The following ALCAM variants were observed in gnomAD, a reference collection of about 807,000 sequenced individuals.
ALCAM encodes the protein activated leukocyte cell adhesion molecule.
In ALCAM, 30 loss-of-function variants were observed where a neutral mutation model predicts 70.9. That is an observed-to-expected ratio of 0.42 (90% CI 0.32 to 0.57). The LOEUF (loss-of-function observed/expected upper bound fraction) is 0.57. Ranked by LOEUF, ALCAM falls within the 20% of genes least tolerant of loss-of-function variation. The pLI, the probability that ALCAM is intolerant of heterozygous loss-of-function variation, is 0.11. For synonymous variants in ALCAM, 249 were observed against 242.5 expected (o/e 1.03, Z -0.25); for missense variants, 591 against 695.1 (o/e 0.85, Z 1.68).
At chr3:105,573,360 T>C (rs1483949000) in intron 15 of ALCAM, among the ~76,000 whole-genome samples, 1 of 151,572 alleles carries the variant, frequency 6.6e-6, no homozygotes, top group African/African-American at 2.4e-5. Flanking sequence ...AAAACTTTAA[T>C]CTAGATATTT....
intron 1 of ALCAM, among the ~76,000 whole-genome samples, chr3:105,490,231 CA>C (rs1289851876): frequency 1.3e-5 from 2 of 152,092 alleles, no homozygotes; most frequent in Admixed American, 6.6e-5. Context: ...TTCTAAATAC[CA>C]ACTGTTTGAA....
chr3:105,454,560 T>A (rs1304167146), intron 1 of ALCAM, among the ~76,000 whole-genome samples: 1 of 151,672 alleles, frequency 6.6e-6, no homozygotes, highest in East Asian at 1.9e-4. Context: ...CAGTCCTATC[T>A]AATTAGAAAC....
intron 1 of ALCAM, among the ~76,000 whole-genome samples, chr3:105,454,959 C>T (rs1937515353): frequency 6.6e-6 from 1 of 151,578 alleles, no homozygotes; most frequent in African/African-American, 2.4e-5. Flanking sequence ...GGATTACAGG[C>T]GTGAGCCACT....
chr3:105,553,937 C>T (rs1276778097), intron 14 of ALCAM, among the ~76,000 whole-genome samples: 1 of 151,856 alleles, frequency 6.6e-6, no homozygotes, highest in East Asian at 1.9e-4. Context: ...AGAAACATTT[C>T]TCCTGTTGTG....
chr3:105,413,884 C>G (rs1936447025), intron 1 of ALCAM, among the ~76,000 whole-genome samples: 1 of 151,986 alleles, frequency 6.6e-6, no homozygotes, highest in Non-Finnish European at 1.5e-5. Context: ...ATTAGTTAGG[C>G]CTAATATGGT....
intron 1 of ALCAM, among the ~76,000 whole-genome samples, chr3:105,436,258 CA>C (rs1440452117): frequency 6.6e-6 from 1 of 152,214 alleles, no homozygotes; most frequent in Non-Finnish European, 1.5e-5. Context: ...TTCATTTGGA[CA>C]ACTTGTTGCC....
At chr3:105,503,490 T>G (rs1437809507) in intron 1 of ALCAM, among the ~76,000 whole-genome samples, 1 of 152,176 alleles carries the variant, frequency 6.6e-6, no homozygotes, top group Non-Finnish European at 1.5e-5. Flanking sequence ...TCTTTTTCAT[T>G]CCCACTGCCC....
chr3:105,516,773 C>T (rs921078127), intron 1 of ALCAM, among the ~76,000 whole-genome samples: 3 of 152,044 alleles, frequency 2.0e-5, no homozygotes, highest in African/African-American at 7.2e-5. Context: ...ACAGCCATAA[C>T]ACATACAGAA....
chr3:105,445,775 C>A (rs1251996379), intron 1 of ALCAM, among the ~76,000 whole-genome samples: 2 of 152,098 alleles, frequency 1.3e-5, no homozygotes, highest in Non-Finnish European at 2.9e-5. Flanking sequence ...TAGATAGTCA[C>A]CTGCAGAAGA....
At chr3:105,483,883 AAT>A (rs1357406020) in intron 1 of ALCAM, among the ~76,000 whole-genome samples, 1 of 152,074 alleles carries the variant, frequency 6.6e-6, no homozygotes, top group Admixed American at 6.6e-5. Context: ...CTACGTATAG[AAT>A]ACCAGAGCTT....
intron 14 of ALCAM, among the ~76,000 whole-genome samples, chr3:105,557,031 C>G (rs930518288): frequency 1.3e-5 from 2 of 151,960 alleles, no homozygotes; most frequent in Non-Finnish European, 2.9e-5. Flanking sequence ...GTATCTTGTT[C>G]CAAATTCCAT....
At chr3:105,388,079 C>T (rs919383678) in intron 1 of ALCAM, among the ~76,000 whole-genome samples, 1 of 151,454 alleles carries the variant, frequency 6.6e-6, no homozygotes, top group African/African-American at 2.4e-5. Context: ...ACAGTATAAA[C>T]AAGCAGTAAC....
At chr3:105,500,046 A>T (rs1938875198) in intron 1 of ALCAM, among the ~76,000 whole-genome samples, 1 of 152,220 alleles carries the variant, frequency 6.6e-6, no homozygotes, top group East Asian at 1.9e-4. Flanking sequence ...GTCAGTGTGC[A>T]GTAGATTGGC....
chr3:105,552,423 C>G, intron 13 of ALCAM, 45 bp from the exon 14 acceptor site: 1 of 1,572,388 alleles, frequency 6.4e-7, no homozygotes, highest in African/African-American at 1.4e-5. Flanking sequence ...TCTGAAAATC[C>G]TTGGCATTGT....
chr3:105,448,889 C>T (rs893231619), intron 1 of ALCAM, among the ~76,000 whole-genome samples: 7 of 152,086 alleles, frequency 4.6e-5, no homozygotes, highest in South Asian at 4.1e-4. Context: ...GGATTCTGCC[C>T]GGGTGTCAAC....
chr3:105,456,944 T>A (rs1937541842), intron 1 of ALCAM, among the ~76,000 whole-genome samples: 1 of 152,220 alleles, frequency 6.6e-6, no homozygotes, highest in Non-Finnish European at 1.5e-5. Context: ...CGTTTTTATG[T>A]AGCACATGCA....
At chr3:105,379,788 A>G (rs1935470931) in intron 1 of ALCAM, among the ~76,000 whole-genome samples, 1 of 151,792 alleles carries the variant, frequency 6.6e-6, no homozygotes, top group Non-Finnish European at 1.5e-5. Flanking sequence ...AAAAACCTAT[A>G]ATTTTAATAT....
intron 2 of ALCAM, among the ~76,000 whole-genome samples, chr3:105,521,307 CAAAAAAAA>C (rs3996196): frequency 5.1e-5 from 4 of 78,146 alleles, no homozygotes; most frequent in African/African-American, 1.1e-4. Context: ...GACTCCGTCT[CAAAAAAAA>C]AAAAAAAAAA....
chr3:105,530,505 T>G (rs1939812704), intron 3 of ALCAM, among the ~76,000 whole-genome samples: 1 of 151,958 alleles, frequency 6.6e-6, no homozygotes, highest in South Asian at 2.1e-4. Context: ...CACTTCTAGT[T>G]TGTGTTAATG....
Sources: allele counts gnomAD v4.1 joint callset (sites outside exome capture counted in the v4.1 genomes callset), GRCh38; gene constraint gnomAD v4.1.1; transcripts MANE v1.5; gene names NCBI Gene and HGNC (gene_info 2026-07-23, HGNC 2026-07-21).